The following MCF2L variants were observed in gnomAD, a reference collection of about 807,000 sequenced individuals.
The protein encoded by MCF2L is guanine nucleotide exchange factor DBS.
In MCF2L, 97 loss-of-function variants were observed where a neutral mutation model predicts 153.4. The ratio of observed to expected loss-of-function variants is 0.63; its 90% CI spans 0.54 to 0.75. MCF2L has a LOEUF of 0.75. Ranked by LOEUF, MCF2L falls within the 30% of genes least tolerant of loss-of-function variation. The pLI, the probability that MCF2L is intolerant of heterozygous loss-of-function variation, is 0.00. For missense variants in MCF2L, 1,347 were observed against 1,495.2 expected (o/e 0.90, Z 1.64); for synonymous variants, 659 against 632.2 (o/e 1.04, Z -0.64).
At chr13:112,997,260 A>AC (rs1437942617) in intron 1 of MCF2L, among the ~76,000 whole-genome samples, 5 of 151,996 alleles carry the variant, frequency 3.3e-5, no homozygotes, top group Admixed American at 6.5e-5. Context: ...GCTGCACTGA[A>AC]CCCAGGCAGC....
rs1380781047 is a variant in MCF2L at position 112,904,424 on chromosome 13, G to T, written c.169+2053G>T. Among the ~76,000 whole-genome samples, 1 of 152,196 alleles carries T rather than the reference G, an allele frequency of 6.6e-6. No homozygotes were observed. The highest frequency in any genetic ancestry group is 6.5e-5 in the Admixed American group (1 of 15,282). ...TTGGGTGGGTTGAGAAGCCTCTGCA[G>T]TGTGGGCAGCAGTAGTAGCATCCAG... On this transcript the variant is annotated intron_variant, in intron 2 of 29. Coordinates refer to the MCF2L transcript ENST00000375608. The surrounding 1 kb of genome is among the most constrained non-coding windows in gnomAD (Gnocchi z 4.2).
intron 26 of MCF2L, chr13:113,090,333 A>C (rs1472779944): frequency 5.0e-6 from 6 of 1,195,550 alleles, no homozygotes; most frequent in African/African-American, 1.6e-5. Flanking sequence ...AGAGTTATTT[A>C]GAGGTGGCTT....
chr13:113,034,971 G>A (rs916213917), intron 3 of MCF2L, among the ~76,000 whole-genome samples: 2 of 152,230 alleles, frequency 1.3e-5, no homozygotes, highest in African/African-American at 4.8e-5. Context: ...CAGGGTGAGC[G>A]CCCTGATAGC....
At chr13:113,090,295 C>T in intron 26 of MCF2L, 5 of 1,264,444 alleles carry the variant, frequency 4.0e-6, no homozygotes, top group Non-Finnish European at 5.1e-6. Flanking sequence ...CACGTGTTCC[C>T]TGATGCTGTG....
intron 15 of MCF2L, 54 bp downstream of exon 15, chr13:113,078,793 C>T: frequency 6.8e-7 from 1 of 1,465,862 alleles, no homozygotes. Flanking sequence ...CAGCCTGAAC[C>T]ACCAGATGCC....
chr13:112,960,258 C>T lies in MCF2L; in HGVS notation c.170-54505C>T, dbSNP rs890622500. On this transcript the variant is annotated intron_variant, in intron 2 of 29. Coordinates refer to the MCF2L transcript ENST00000375608. The surrounding 1 kb of genome is among the most constrained non-coding windows in gnomAD (Gnocchi z 4.2). ...GCTGCGTCTTTCCAAGAGACGGCCTCACCCGGTGAGAGAGCGGAGAGACCG... is the reference window on the plus strand; with the variant it reads ...GCTGCGTCTTTCCAAGAGACGGCCTTACCCGGTGAGAGAGCGGAGAGACCG... Among the ~76,000 whole-genome samples the T allele has an allele frequency of 2.6e-4, 39 of 152,176 alleles. No homozygotes were observed. The highest frequency in any genetic ancestry group is 8.4e-4 in the African/African-American group (35 of 41,438).
intron 23 of MCF2L, 62 bp from the exon 24 acceptor site, chr13:113,088,265 C>G: frequency 7.3e-7 from 1 of 1,367,526 alleles, no homozygotes; most frequent in Non-Finnish European, 1.0e-6. Flanking sequence ...GAGAGTGAAA[C>G]CAAAGCGTGT....
chr13:112,994,396 G>A (rs1443976711), intron 1 of MCF2L, among the ~76,000 whole-genome samples: 3 of 151,974 alleles, frequency 2.0e-5, no homozygotes, highest in Non-Finnish European at 2.9e-5. Flanking sequence ...TCAAGCTGAC[G>A]TCACTGTCTG....
rs984197756 is a variant in MCF2L, at chr13:112,969,477, C to G, written c.79+19C>G. 5 of 1,550,126 alleles carry G rather than the reference C, an allele frequency of 3.2e-6. No homozygotes were observed. The highest frequency in any genetic ancestry group is 1.4e-5 in the African/African-American group (1 of 73,154). The stretch of plus-strand genomic sequence containing the variant: ...CACACGGGTAGGAGGAGCTGCTGGC[C>G]GTCAGTGATCTGTGCTTAAGCTTGA... On this transcript the variant is annotated intron_variant, in intron 1 of 29. Coordinates refer to ENST00000535094, the MANE Select transcript of MCF2L (RefSeq NM_001112732.3). The surrounding 1 kb of genome is among the most constrained non-coding windows in gnomAD (Gnocchi z 4.8).
intron 2 of MCF2L, among the ~76,000 whole-genome samples, chr13:112,952,955 C>T (rs760855303): frequency 6.6e-6 from 1 of 152,140 alleles, no homozygotes; most frequent in Non-Finnish European, 1.5e-5. Context: ...CACTAAATGC[C>T]CACTTTTGGA....
At chr13:113,044,933 C>A (rs747236551) in intron 3 of MCF2L, 2 of 1,604,476 alleles carry the variant, frequency 1.2e-6, no homozygotes, top group Non-Finnish European at 1.7e-6. Flanking sequence ...CAGCTGGTCA[C>A]CCAGGAAAGG....
At chr13:112,928,875 A>C (rs994405908) in intron 2 of MCF2L, among the ~76,000 whole-genome samples, 2 of 152,188 alleles carry the variant, frequency 1.3e-5, no homozygotes, top group Admixed American at 6.5e-5. Flanking sequence ...GGCCACATAC[A>C]TGGATGGAGG....
rs942268527 is a variant in MCF2L at position 112,960,062 on chromosome 13, C to G, written c.170-54701C>G. Among the ~76,000 whole-genome samples the G allele has an allele frequency of 2.6e-5, 4 of 152,256 alleles. No homozygotes were observed. Among genetic ancestry groups the G allele is most frequent in the African/African-American group, 9.6e-5 (4 of 41,466 alleles). ...TCCCTCGGTAACTTCAGGGCAGAGG[C>G]CTTCTGTCCCGGACGCCTGCCCTCA... On this transcript the variant is annotated intron_variant, in intron 2 of 29. Coordinates refer to the MCF2L transcript ENST00000375608. This position sits in a 1 kb window ranked among gnomAD's most constrained non-coding sequence, Gnocchi z 4.2.
intron 27 of MCF2L, 154 bp downstream of exon 27, chr13:113,094,789 G>T: frequency 9.3e-7 from 1 of 1,074,388 alleles, no homozygotes; most frequent in Non-Finnish European, 1.3e-6. Flanking sequence ...CTTACGGGCA[G>T]TGCCAGCTCC....
At chr13:112,927,971 T>C (rs1461387594) in intron 2 of MCF2L, among the ~76,000 whole-genome samples, 1 of 152,228 alleles carries the variant, frequency 6.6e-6, no homozygotes, top group Non-Finnish European at 1.5e-5. Context: ...TCAAACAAAA[T>C]GTGTCTAGAA....
At chr13:113,077,783 A>G (rs1233877985) in intron 13 of MCF2L, among the ~76,000 whole-genome samples, 1 of 152,100 alleles carries the variant, frequency 6.6e-6, no homozygotes, top group Non-Finnish European at 1.5e-5. Context: ...GTGTCTCAAA[A>G]CGAACCCTCT....
Position 113,028,547 on chromosome 13 carries a change from C to T in MCF2L, c.278+3789C>T, listed in dbSNP as rs1263132810. On this transcript the variant is annotated intron_variant, in intron 3 of 29. Coordinates refer to ENST00000535094, the MANE Select transcript of MCF2L (RefSeq NM_001112732.3). This position sits in a 1 kb window ranked among gnomAD's most constrained non-coding sequence, Gnocchi z 5.4. Reference sequence around the variant, plus strand: ...TGGCTGAAGGTGGCCGGAGCGCAGGCCCAGTCCCCGCTGTGGACACGCGGG... The same window carrying T: ...TGGCTGAAGGTGGCCGGAGCGCAGGTCCAGTCCCCGCTGTGGACACGCGGG... 1.3e-5 allele frequency among the ~76,000 whole-genome samples: 2 copies of T among 152,228 alleles called. No individual in the cohort carries two copies. Among genetic ancestry groups the T allele is most frequent in the East Asian group, 3.8e-4 (2 of 5,200 alleles).
rs113483059 is a variant in MCF2L at position 112,989,109 on chromosome 13, G to A, written c.79+19651G>A. ...GAGCAGGGGATGGAGCTACCACACC[G>A]GAGTCCTCCCTGAGCAGGGGATGGA... On this transcript the variant is annotated intron_variant, in intron 1 of 29. Transcript: ENST00000535094. 2.4e-4 allele frequency among the ~76,000 whole-genome samples: 7 copies of A among 29,288 alleles called. 1 individual carries two copies. Among genetic ancestry groups the A allele is most frequent in the African/African-American group, 7.1e-4 (6 of 8,508 alleles). 19.2% of individuals were successfully genotyped at this position (29,288 alleles called of 152,430 possible).
At chr13:112,927,860 A>G (rs1933200) in intron 2 of MCF2L, among the ~76,000 whole-genome samples, 64,830 of 152,026 alleles carry the variant, frequency 0.43, 13,860 homozygotes, top group South Asian at 0.52. Flanking sequence ...CAACAAAAAT[A>G]CAAAGAAAAG....
Sources: allele counts gnomAD v4.1 joint callset (sites outside exome capture counted in the v4.1 genomes callset), GRCh38; gene constraint gnomAD v4.1.1; non-coding constraint Gnocchi (gnomAD v3.1); transcripts MANE v1.5; gene names NCBI Gene and HGNC (gene_info 2026-07-23, HGNC 2026-07-21).